Variants in EIF4ENIF1 observed in about 807,000 individuals in gnomAD.
EIF4ENIF1 encodes the protein eukaryotic translation initiation factor 4E nuclear import factor 1, also known as eukaryotic translation initiation factor 4E transporter.
A neutral mutation model predicts 110.5 loss-of-function variants in EIF4ENIF1; 23 were observed. The observed-to-expected ratio is 0.21, with a 90% confidence interval of 0.15 to 0.29. EIF4ENIF1 has a LOEUF of 0.29. Among genes scored for constraint, EIF4ENIF1 ranks in the 10% least tolerant of loss-of-function variants. EIF4ENIF1 has a pLI of 1.00. For missense variants in EIF4ENIF1, 1,031 were observed against 1,221.1 expected (o/e 0.84, Z 2.32); for synonymous variants, 440 against 437.0 (o/e 1.01, Z -0.09).
At chr22:31,449,035 G>C (rs2050566067) in intron 12 of EIF4ENIF1, among the ~76,000 whole-genome samples, 1 of 152,138 alleles carries the variant, frequency 6.6e-6, no homozygotes, top group Non-Finnish European at 1.5e-5. Context: ...TTTTGAGACA[G>C]AGTCTCGCTC....
At chr22:31,464,530 T>C (rs2051105890) in intron 4 of EIF4ENIF1, among the ~76,000 whole-genome samples, 1 of 150,494 alleles carries the variant, frequency 6.6e-6, no homozygotes, top group Non-Finnish European at 1.5e-5. Context: ...CTACAAAAAT[T>C]AGCCAGGCAT....
intron 4 of EIF4ENIF1, among the ~76,000 whole-genome samples, chr22:31,467,472 T>C (rs1407971625): frequency 2.0e-5 from 3 of 152,200 alleles, no homozygotes; most frequent in Non-Finnish European, 4.4e-5. Context: ...CAGACTTAAC[T>C]TCAGTCTCAA....
chr22:31,479,331 G>C (rs1046674267), intron 2 of EIF4ENIF1: 2 of 152,052 alleles, frequency 1.3e-5, no homozygotes, highest in Non-Finnish European at 1.5e-5. Context: ...AAAGTGTTAG[G>C]ATTACGGGTG....
intron 4 of EIF4ENIF1, 71 bp downstream of exon 4, chr22:31,468,104 A>G: frequency 6.4e-7 from 1 of 1,571,260 alleles, no homozygotes; most frequent in Non-Finnish European, 8.7e-7. Flanking sequence ...CTCAGAGCTA[A>G]GAATGAAACC....
chr22:31,451,733 C>T (rs1282406196), intron 10 of EIF4ENIF1, among the ~76,000 whole-genome samples: 2 of 151,504 alleles, frequency 1.3e-5, no homozygotes, highest in Non-Finnish European at 2.9e-5. Context: ...TTCAAGCAAC[C>T]CTCCCACCTT....
intron 10 of EIF4ENIF1, among the ~76,000 whole-genome samples, chr22:31,453,173 T>C (rs553358101): frequency 3.7e-4 from 57 of 152,290 alleles, no homozygotes; most frequent in African/African-American, 1.3e-3. Context: ...TATTAACACA[T>C]AGGCTATGGG....
intron 8 of EIF4ENIF1, 66 bp from the exon 9 acceptor site, chr22:31,455,381 A>AT (rs2050782114): frequency 9.0e-7 from 1 of 1,109,862 alleles, no homozygotes; most frequent in South Asian, 2.9e-5. Flanking sequence ...CTTCGACAGT[A>AT]TTTTTCTTTC....
chr22:31,465,305 A>C (rs2145999162), intron 4 of EIF4ENIF1, among the ~76,000 whole-genome samples: 1 of 151,298 alleles, frequency 6.6e-6, no homozygotes, highest in South Asian at 2.1e-4. Context: ...CCTGGGCACC[A>C]AGAGCCAGAC....
intron 9 of EIF4ENIF1, 80 bp downstream of exon 9, chr22:31,455,056 G>A: frequency 6.4e-6 from 8 of 1,249,814 alleles, no homozygotes; most frequent in Non-Finnish European, 8.7e-6. Flanking sequence ...TGAAACAGAG[G>A]TTATGTTAGA....
chr22:31,449,889 C>A (rs996921548), intron 11 of EIF4ENIF1, among the ~76,000 whole-genome samples: 1 of 152,020 alleles, frequency 6.6e-6, no homozygotes, highest in Admixed American at 6.6e-5. Flanking sequence ...TGCCACCACA[C>A]CAGGCCAATT....
intron 7 of EIF4ENIF1, among the ~76,000 whole-genome samples, chr22:31,457,741 C>G (rs1388699590): frequency 6.6e-6 from 1 of 152,158 alleles, no homozygotes; most frequent in Non-Finnish European, 1.5e-5. Flanking sequence ...TCCAGAATTT[C>G]TATTTTCAGA....
At position 31,450,355 on chromosome 22, in the gene EIF4ENIF1, G is replaced by A. The variant is rs200910304; in HGVS notation, c.1518C>T (p.Asn506=). The A allele has an allele frequency of 1.2e-5, 19 of 1,612,936 alleles. No homozygotes were observed. The highest frequency in any genetic ancestry group is 1.4e-5 in the Non-Finnish European group (17 of 1,179,308). Residue 506 remains asparagine (N), a synonymous_variant, in exon 11 of 19, where the codon AAC becomes AAT. Transcript: ENST00000330125. ...CAGGGGACATCAAATGGCTTTCAAG[G>A]TTTCGCTAAAAGAGTCAAAAGAAAA... ...TLPSQPKVSR[N]LESHLMSPAE...
At position 31,442,075 on chromosome 22, in the gene EIF4ENIF1, G is replaced by C. The variant is rs891126928; in HGVS notation, c.2250C>G (p.Asp750Glu). ...GTTTGGAATTTGTAGTGGGAGAAGA[G>C]TCTCGATCGGCACTGGGTACAGAGC... ...SSSSVPSADR[D>E]SSPTTNSKLS... Residue 750 changes from aspartate (D) to glutamate (E), a missense_variant, in exon 17 of 19, where the codon GAC becomes GAG. Asp to Glu is a conservative substitution (Grantham distance 45). Around this residue, in one of 3 missense-constraint regions of EIF4ENIF1, gnomAD observed 309 missense variants for 299.1 expected, o/e 1.03. Transcript: ENST00000330125. 6.2e-7 allele frequency: 1 copy of C among 1,614,028 alleles called. No individual in the cohort carries two copies. Among genetic ancestry groups the C allele is most frequent in the Non-Finnish European group, 8.5e-7 (1 of 1,180,040 alleles).
chr22:31,441,658 ATCTAGTAACATCTT>A (rs1203971022), intron 17 of EIF4ENIF1, 102 bp downstream of exon 17: 5 of 910,382 alleles, frequency 5.5e-6, no homozygotes, highest in Non-Finnish European at 6.5e-6. Context: ...AGATGGGAGA[ATCTAGTAACATCTT>A]TCTAGGGATG....
downstream of EIF4ENIF1, among the ~76,000 whole-genome samples, chr22:31,438,844 T>C (rs976733631): frequency 6.6e-6 from 1 of 152,052 alleles, no homozygotes; most frequent in Admixed American, 6.6e-5. Flanking sequence ...TGTCTCAGCC[T>C]CCCGAGTAGC....
At chr22:31,465,989 G>T (rs1385245770) in intron 4 of EIF4ENIF1, among the ~76,000 whole-genome samples, 1 of 152,180 alleles carries the variant, frequency 6.6e-6, no homozygotes, top group African/African-American at 2.4e-5. Context: ...ACAGAAAGCA[G>T]ATCAGTCCGG....
downstream of EIF4ENIF1, chr22:31,437,915 A>G (rs2050196367): frequency 6.6e-6 from 1 of 152,208 alleles, no homozygotes. Flanking sequence ...GGGGAAGGGG[A>G]TTACTAATGA....
intron 13 of EIF4ENIF1, 113 bp downstream of exon 13, chr22:31,448,040 T>C (rs1487137619): frequency 8.4e-7 from 1 of 1,187,096 alleles, no homozygotes; most frequent in Non-Finnish European, 1.2e-6. Flanking sequence ...TGAGCCACTA[T>C]GCCTGGCCTC....
At position 31,447,364 on chromosome 22, in the gene EIF4ENIF1, A is replaced by G; in HGVS notation, c.1988+62T>C. On this transcript the variant is annotated intron_variant, in intron 14 of 18. Coordinates refer to ENST00000330125, the MANE Select transcript of EIF4ENIF1 (RefSeq NM_019843.4). ...CAACAGAATTATACTGCAGATAAGTAATTTATTAGTTTCAGGAAAACTTAT... is the reference window on the plus strand; with the variant it reads ...CAACAGAATTATACTGCAGATAAGTGATTTATTAGTTTCAGGAAAACTTAT... The G allele has an allele frequency of 2.5e-6, 4 of 1,590,668 alleles. No individual in the cohort carries two copies. In the East Asian group the frequency reaches 9.0e-5, roughly 36 times the overall value.
Sources: allele counts gnomAD v4.1 joint callset (sites outside exome capture counted in the v4.1 genomes callset), GRCh38; gene constraint gnomAD v4.1.1; regional missense constraint gnomAD v4.1.1; transcripts MANE v1.5; gene names NCBI Gene and HGNC (gene_info 2026-07-23, HGNC 2026-07-21).